Variants in PCDHA8 observed in about 807,000 individuals in gnomAD.
PCDHA8 encodes protocadherin alpha-8.
In PCDHA8, 53 loss-of-function variants were observed where a neutral mutation model predicts 61.8. The ratio of observed to expected loss-of-function variants is 0.86; its 90% CI spans 0.69 to 1.08. The LOEUF (loss-of-function observed/expected upper bound fraction) is 1.08. PCDHA8 is among the 50% of genes least tolerant of loss of function. PCDHA8 has a pLI of 0.00. For synonymous variants in PCDHA8, 618 were observed against 556.6 expected, an observed-to-expected ratio of 1.11 and a Z score of -1.55; for missense variants, 1,293 against 1,245.0, an observed-to-expected ratio of 1.04 and a Z score of -0.58.
chr5:140,881,659 T>C (rs2058783076), intron 1 of PCDHA8, among the ~76,000 whole-genome samples: 1 of 152,240 alleles, frequency 6.6e-6, no homozygotes, highest in African/African-American at 2.4e-5. Flanking sequence ...CTTCACCGAT[T>C]TTATTCTTAT....
At chr5:140,887,369 T>C (rs782675531) in intron 1 of PCDHA8, among the ~76,000 whole-genome samples, 1 of 152,200 alleles carries the variant, frequency 6.6e-6, no homozygotes, top group Non-Finnish European at 1.5e-5. Context: ...GTGCTGGGAT[T>C]ACAGGTGTGA....
chr5:140,895,561 T>C (rs1011627715), intron 1 of PCDHA8, among the ~76,000 whole-genome samples: 2 of 152,240 alleles, frequency 1.3e-5, no homozygotes, highest in Non-Finnish European at 2.9e-5. Flanking sequence ...TCTTTATATA[T>C]TCTAGATGCA....
chr5:140,857,531 G>A, intron 1 of PCDHA8: 2 of 1,597,582 alleles, frequency 1.3e-6, no homozygotes, highest in East Asian at 2.2e-5. Context: ...CTCTCTGGTG[G>A]AGCGGCGGTT....
In PCDHA8 at chr5:140,857,556, T is replaced by C. The variant is rs781993692; in HGVS notation, c.2394+13841T>C. ...GAGCGGCGGTTGGGCGAGCGCTCGC[T>C]GTCGAGCTACGTGTCGGTGCACGCG... On this transcript the variant is annotated intron_variant, in intron 1 of 3. Coordinates refer to ENST00000531613, the MANE Select transcript of PCDHA8 (RefSeq NM_018911.3). 6 of 1,596,822 alleles carry C rather than the reference T, an allele frequency of 3.8e-6. No homozygotes were observed. In the Admixed American group the frequency reaches 1.0e-4, roughly 27 times the overall value.
At chr5:140,876,705 C>A (rs369536692) in intron 1 of PCDHA8, 2 of 1,614,122 alleles carry the variant, frequency 1.2e-6, no homozygotes, top group Non-Finnish European at 1.7e-6. Context: ...TGCTGGACAG[C>A]GCCCTGGACC....
chr5:140,920,703 G>A (rs1435351032), intron 1 of PCDHA8, among the ~76,000 whole-genome samples: 1 of 152,060 alleles, frequency 6.6e-6, no homozygotes, highest in Non-Finnish European at 1.5e-5. Context: ...CATTAGCTTG[G>A]CATGGTGGTG....
At chr5:140,850,196 A>G (rs1367952118) in intron 1 of PCDHA8, 1 of 1,592,698 alleles carries the variant, frequency 6.3e-7, no homozygotes, top group East Asian at 2.2e-5. Context: ...CGCTGCTGAC[A>G]CCTCGGATGA....
At chr5:140,941,760 T>A (rs1343959883) in intron 1 of PCDHA8, among the ~76,000 whole-genome samples, 2 of 152,234 alleles carry the variant, frequency 1.3e-5, no homozygotes, top group Non-Finnish European at 1.5e-5. Flanking sequence ...TCAGTGCTTT[T>A]AAGATAATTG....
intron 1 of PCDHA8, among the ~76,000 whole-genome samples, chr5:140,903,753 A>ACTTGATGACCCATAGTCAAATGTTCAG (rs2070561730): frequency 2.0e-5 from 3 of 152,186 alleles, no homozygotes; most frequent in Non-Finnish European, 4.4e-5. Flanking sequence ...GTTTCCCTTG[A>ACTTGATGACCCATAGTCAAATGTTCAG]TTTTTGCTGA....
At chr5:140,919,012 C>T (rs1411489160) in intron 1 of PCDHA8, among the ~76,000 whole-genome samples, 1 of 152,164 alleles carries the variant, frequency 6.6e-6, no homozygotes, top group Non-Finnish European at 1.5e-5. Flanking sequence ...CTTTCATTTC[C>T]TAGTGATCTT....
rs782071598 is a variant in PCDHA8 at position 140,883,785 on chromosome 5, G to C, written c.2394+40070G>C. On this transcript the variant is annotated intron_variant, in intron 1 of 3. Coordinates refer to ENST00000531613, the MANE Select transcript of PCDHA8 (RefSeq NM_018911.3). ...CGGGTGGGCGAGCGTGCGCTGTCGA[G>C]CTACGTGTCGGTGCACGCGGAGAGC... The C allele has an allele frequency of 1.3e-5, 21 of 1,612,402 alleles. No individual in the cohort carries two copies. In the East Asian group the frequency reaches 4.0e-4, roughly 31 times the overall value.
In PCDHA8 at chr5:140,857,981, C is replaced by T. The variant is rs377577023; in HGVS notation, c.2394+14266C>T. The T allele has an allele frequency of 2.5e-6, 4 of 1,596,862 alleles. 1 individual carries two copies. The highest frequency in any genetic ancestry group is 3.4e-6 in the Non-Finnish European group (4 of 1,167,208). The stretch of plus-strand genomic sequence containing the variant: ...GGATGAGACTGACTCGCCACGCCAG[C>T]GCCTACTGGTGCTGGTGAAGGACCA... On this transcript the variant is annotated intron_variant, in intron 1 of 3. Transcript: ENST00000531613.
At chr5:141,007,660 T>C (rs1392469115) in intron 3 of PCDHA8, among the ~76,000 whole-genome samples, 2 of 152,074 alleles carry the variant, frequency 1.3e-5, no homozygotes, top group Admixed American at 6.5e-5. Flanking sequence ...AAACCATAAA[T>C]TTACAAAGAC....
intron 1 of PCDHA8, among the ~76,000 whole-genome samples, chr5:140,961,765 T>C (rs2095634679): frequency 6.6e-6 from 1 of 152,244 alleles, no homozygotes; most frequent in African/African-American, 2.4e-5. Flanking sequence ...AAGGAATTTA[T>C]ATCAAGCTTA....
intron 1 of PCDHA8, among the ~76,000 whole-genome samples, chr5:140,951,512 C>T (rs2094592870): frequency 6.6e-6 from 1 of 152,004 alleles, no homozygotes; most frequent in Non-Finnish European, 1.5e-5. Context: ...GAAAGCGGCT[C>T]ATCTTACATG....
intron 1 of PCDHA8, chr5:140,877,039 C>A (rs782458785): frequency 6.2e-7 from 1 of 1,612,458 alleles, no homozygotes; most frequent in African/African-American, 1.3e-5. Context: ...GCTGCAGCCG[C>A]TAGACCACGA....
intron 1 of PCDHA8, among the ~76,000 whole-genome samples, chr5:140,874,557 G>A (rs782715249): frequency 9.9e-5 from 15 of 152,144 alleles, no homozygotes; most frequent in Non-Finnish European, 1.6e-4. Flanking sequence ...GAGATCTTTC[G>A]CATTTTAGTG....
Position 141,010,327 on chromosome 5 carries a change from G to T in PCDHA8, c.*390G>T, listed in dbSNP as rs2098416942. 5 of 1,539,742 alleles carry T rather than the reference G, an allele frequency of 3.2e-6. No individual in the cohort carries two copies. The highest frequency in any genetic ancestry group is 2.4e-5 in the South Asian group (2 of 82,532). On this transcript the variant is annotated 3_prime_UTR_variant, in exon 4 of 4. Transcript: ENST00000531613. ...AAAGTTTTGAGATTGAGCAGCTTGGGAGTTTGTGGCCACTGGGTATGTGTG... is the reference window on the plus strand; with the variant it reads ...AAAGTTTTGAGATTGAGCAGCTTGGTAGTTTGTGGCCACTGGGTATGTGTG...
chr5:140,938,293 C>T (rs896897734), intron 1 of PCDHA8, among the ~76,000 whole-genome samples: 2 of 152,110 alleles, frequency 1.3e-5, no homozygotes, highest in African/African-American at 4.8e-5. Flanking sequence ...CTGTCATTGC[C>T]TATGAAATTC....
Sources: allele counts gnomAD v4.1 joint callset (sites outside exome capture counted in the v4.1 genomes callset), GRCh38; gene constraint gnomAD v4.1.1; transcripts MANE v1.5; gene names NCBI Gene and HGNC (gene_info 2026-07-23, HGNC 2026-07-21).